FAM47E: variants seen among roughly 807,000 people sequenced by gnomAD.
FAM47E encodes family with sequence similarity 47 member E.
FAM47E carries 32 observed loss-of-function variants against 41.6 expected under a neutral mutation model. That is an observed-to-expected ratio of 0.77 (90% confidence interval 0.58 to 1.03). FAM47E has a LOEUF of 1.03. Ranked by LOEUF, FAM47E falls within the 50% of genes least tolerant of loss-of-function variation. FAM47E has a pLI of 0.00. For missense variants in FAM47E, 424 were observed against 485.4 expected, an observed-to-expected ratio of 0.87 and a Z score of 1.19; for synonymous variants, 184 against 188.7, an observed-to-expected ratio of 0.98 and a Z score of 0.20.
At chr4:76,232,107 T>G (rs1203530554) in intron 2 of FAM47E, among the ~76,000 whole-genome samples, 1 of 152,224 alleles carries the variant, frequency 6.6e-6, no homozygotes, top group Non-Finnish European at 1.5e-5. Flanking sequence ...CAAACATGCT[T>G]CAAATTTTGG....
At chr4:76,277,859 A>G (rs1169951105) in intron 5 of FAM47E, among the ~76,000 whole-genome samples, 1 of 152,244 alleles carries the variant, frequency 6.6e-6, no homozygotes, top group Non-Finnish European at 1.5e-5. Context: ...TCCAAAGGCC[A>G]TGTTATTAAC....
Position 76,271,702 on chromosome 4 carries a change from C to T in FAM47E, c.804C>T (p.Leu268=), listed in dbSNP as rs1234453523. Residue 268 remains leucine (L), a synonymous_variant, in exon 5 of 8, where the codon CTC becomes CTT. Coordinates refer to ENST00000424749, the MANE Select transcript of FAM47E (RefSeq NM_001136570.3). Reference sequence around the variant, plus strand: ...TGGAGCTAAAGCGTAGTGTGGGGCTCAGTAAACTGCAGGAGACAGAGTTCT... The same window carrying T: ...TGGAGCTAAAGCGTAGTGTGGGGCTTAGTAAACTGCAGGAGACAGAGTTCT... ...VPLELKRSVG[L]SKLQETEFFQ... The T allele has an allele frequency of 5.2e-6, 8 of 1,551,684 alleles. No individual in the cohort carries two copies. Among genetic ancestry groups the T allele is most frequent in the South Asian group, 4.8e-5 (4 of 84,032 alleles).
chr4:76,259,187 C>T (rs1435747219), intron 2 of FAM47E, among the ~76,000 whole-genome samples: 4 of 152,130 alleles, frequency 2.6e-5, no homozygotes, highest in Non-Finnish European at 5.9e-5. Flanking sequence ...CATATAACAC[C>T]GTGGTTGCCT....
chr4:76,280,081 C>T (rs1023577540), intron 6 of FAM47E, 183 bp from the exon 7 acceptor site: 1 of 457,308 alleles, frequency 2.2e-6, no homozygotes, highest in Non-Finnish European at 3.9e-6. Context: ...GGAGAGAAAG[C>T]TGGACATCTT....
intron 1 of FAM47E, among the ~76,000 whole-genome samples, chr4:76,255,283 C>T (rs192549618): frequency 9.2e-5 from 14 of 152,160 alleles, no homozygotes; most frequent in African/African-American, 3.1e-4. Flanking sequence ...TCTTTGTGCT[C>T]AATTTTCTTA....
chr4:76,271,055 A>G (rs1298169742), intron 4 of FAM47E, among the ~76,000 whole-genome samples: 1 of 152,138 alleles, frequency 6.6e-6, no homozygotes, highest in Non-Finnish European at 1.5e-5. Context: ...CTTGAGCCAT[A>G]TCATAGGTAA....
upstream of FAM47E, among the ~76,000 whole-genome samples, chr4:76,249,246 A>G (rs1174450421): frequency 6.6e-6 from 1 of 152,086 alleles, no homozygotes; most frequent in African/African-American, 2.4e-5. Flanking sequence ...AAACAAAACA[A>G]AACAAAAAAA....
chr4:76,252,598 T>C (rs1463531942), intron 1 of FAM47E, among the ~76,000 whole-genome samples: 1 of 152,152 alleles, frequency 6.6e-6, no homozygotes, highest in East Asian at 1.9e-4. Flanking sequence ...GTCGTGAGGA[T>C]TAATGGAGAT....
At chr4:76,244,395 C>T (rs1254052618) in intron 2 of FAM47E, among the ~76,000 whole-genome samples, 2 of 152,130 alleles carry the variant, frequency 1.3e-5, no homozygotes, top group Non-Finnish European at 2.9e-5. Flanking sequence ...ATATCCTCTC[C>T]AGCATCTGTT....
At chr4:76,277,545 G>GAT (rs1251917752) in intron 5 of FAM47E, among the ~76,000 whole-genome samples, 4 of 129,548 alleles carry the variant, frequency 3.1e-5, no homozygotes, top group African/African-American at 1.2e-4. Flanking sequence ...TTAGCAGTTT[G>GAT]ATAAAAAAAA....
intron 5 of FAM47E, among the ~76,000 whole-genome samples, chr4:76,274,249 G>A (rs1022238280): frequency 6.6e-6 from 1 of 152,160 alleles, no homozygotes; most frequent in Non-Finnish European, 1.5e-5. Context: ...AAGTTACTTG[G>A]AAGTTTGATC....
intron 5 of FAM47E, among the ~76,000 whole-genome samples, chr4:76,275,084 G>T (rs1735042828): frequency 6.6e-6 from 1 of 152,014 alleles, no homozygotes; most frequent in Admixed American, 6.5e-5. Flanking sequence ...CTTGTTTTTT[G>T]ATTGTTGAAG....
chr4:76,229,045 T>G (rs917192121), intron 2 of FAM47E, among the ~76,000 whole-genome samples: 3 of 152,174 alleles, frequency 2.0e-5, no homozygotes, highest in African/African-American at 7.2e-5. Flanking sequence ...TTACTTTTTC[T>G]TTGTCTTTGT....
At chr4:76,235,175 G>A (rs953886854) in intron 2 of FAM47E, among the ~76,000 whole-genome samples, 1 of 152,158 alleles carries the variant, frequency 6.6e-6, no homozygotes. Flanking sequence ...AAAATTAGCC[G>A]GGCGTGGTGG....
intron 2 of FAM47E, among the ~76,000 whole-genome samples, chr4:76,241,977 G>A (rs12501795): frequency 0.75 from 113,812 of 151,992 alleles, 43,181 homozygotes; most frequent in East Asian, 0.82. Flanking sequence ...ATCAGAAGGA[G>A]AAAGGGGGAA....
chr4:76,219,030 CA>C (rs1351452312), intron 2 of FAM47E, among the ~76,000 whole-genome samples: 1 of 152,162 alleles, frequency 6.6e-6, no homozygotes, highest in African/African-American at 2.4e-5. Context: ...CAGTAGGAAG[CA>C]AAGGTATTAC....
Position 76,240,938 on chromosome 4 carries a change from T to C in FAM47E, c.82-22766T>C, listed in dbSNP as rs1032325733. On this transcript the variant is annotated intron_variant, in intron 2 of 7. Coordinates refer to the FAM47E transcript ENST00000510197. ...GTTTCTGTTGGTTTATTTTTTCCTT[T>C]GAATGGGCCATATTTGCTTGTTTCT... Among the ~76,000 whole-genome samples the C allele has an allele frequency of 3.3e-5, 5 of 152,180 alleles. No individual in the cohort carries two copies. The South Asian group carries it at 1.0e-3, about 31-fold the overall frequency.
chr4:76,216,069 A>G (rs560196865), intron 1 of FAM47E, among the ~76,000 whole-genome samples: 25 of 152,240 alleles, frequency 1.6e-4, no homozygotes, highest in African/African-American at 5.5e-4. Context: ...GGGGTCCTGA[A>G]TGATTCAACT....
At chr4:76,250,979 TAATG>T (rs1208258391), upstream of FAM47E, among the ~76,000 whole-genome samples, 1 of 152,154 alleles carries the variant, frequency 6.6e-6, no homozygotes, top group Non-Finnish European at 1.5e-5. Flanking sequence ...GCCAGGTAAT[TAATG>T]AAGCTTAAAA....
Sources: gnomAD v4.1 joint callset for allele counts (sites outside exome capture counted in the v4.1 genomes callset) on GRCh38, gnomAD v4.1.1 for gene constraint, MANE v1.5 for transcripts, NCBI Gene and HGNC (gene_info 2026-07-23, HGNC 2026-07-21) for gene names.